Variants in IMMP2L observed in about 807,000 individuals in gnomAD.
IMMP2L encodes the protein inner mitochondrial membrane peptidase subunit 2, also known as mitochondrial inner membrane protease subunit 2.
In IMMP2L, 18 loss-of-function variants were observed where a neutral mutation model predicts 19.3. The observed-to-expected ratio is 0.93, with a 90% CI of 0.64 to 1.38. IMMP2L has a LOEUF of 1.38. IMMP2L is among the 40% of genes most tolerant of loss of function. IMMP2L has a pLI of 0.00. For synonymous variants in IMMP2L, 76 were observed against 73.0 expected, an observed-to-expected ratio of 1.04 and a Z score of -0.21; for missense variants, 233 against 218.2, an observed-to-expected ratio of 1.07 and a Z score of -0.43.
chr7:110,966,598 T>G (rs982496508), intron 3 of IMMP2L, among the ~76,000 whole-genome samples: 2 of 152,140 alleles, frequency 1.3e-5, no homozygotes, highest in Admixed American at 6.6e-5. Flanking sequence ...AAATAGAGTA[T>G]GCAAAGGGAG....
At chr7:110,906,030 A>C (rs1257088547) in intron 4 of IMMP2L, among the ~76,000 whole-genome samples, 1 of 152,214 alleles carries the variant, frequency 6.6e-6, no homozygotes, top group East Asian at 1.9e-4. Flanking sequence ...TGAAAAAGAT[A>C]TTTGTGACCA....
rs538673679 is a variant in IMMP2L at position 111,277,884 on chromosome 7, C to G, written c.239+209354G>C. On this transcript the variant is annotated intron_variant, in intron 3 of 5. Coordinates refer to ENST00000405709, the MANE Select transcript of IMMP2L (RefSeq NM_032549.4). ...TAAAGAAAATGTAGTATATGTAACA[C>G]TACATTATGCTATTCAGCCATAAAA... is the stretch of plus-strand genomic sequence containing the variant. Among the ~76,000 whole-genome samples the G allele has an allele frequency of 1.3e-4, 20 of 152,230 alleles. No homozygotes were observed. In the South Asian group the frequency reaches 1.7e-3, roughly 13 times the overall value.
chr7:110,919,787 G>C (rs1192704943), intron 4 of IMMP2L, among the ~76,000 whole-genome samples: 1 of 152,148 alleles, frequency 6.6e-6, no homozygotes, highest in Non-Finnish European at 1.5e-5. Context: ...TGGATTGAAG[G>C]ATGCAAAATA....
At chr7:111,498,804 C>T (rs1256331626) in intron 2 of IMMP2L, among the ~76,000 whole-genome samples, 1 of 152,076 alleles carries the variant, frequency 6.6e-6, no homozygotes, top group East Asian at 1.9e-4. Context: ...AAGAACCAGT[C>T]AGCATCCTAA....
At chr7:111,384,100 T>C (rs1044534753) in intron 3 of IMMP2L, among the ~76,000 whole-genome samples, 1 of 151,984 alleles carries the variant, frequency 6.6e-6, no homozygotes, top group East Asian at 1.9e-4. Context: ...GCCATAACTA[T>C]ACCAGTGCAC....
intron 3 of IMMP2L, among the ~76,000 whole-genome samples, chr7:111,134,752 C>CA (rs1301918633): frequency 1.3e-5 from 2 of 151,760 alleles, no homozygotes; most frequent in Non-Finnish European, 2.9e-5. Context: ...AAATTCTAAA[C>CA]AAAAAATAAA....
intron 3 of IMMP2L, among the ~76,000 whole-genome samples, chr7:111,481,669 C>G (rs1175466585): frequency 6.6e-6 from 1 of 151,836 alleles, no homozygotes; most frequent in Admixed American, 6.6e-5. Flanking sequence ...CTCCGACACT[C>G]TTACCAACAC....
At chr7:111,536,318 GT>G (rs1382044342) in intron 1 of IMMP2L, among the ~76,000 whole-genome samples, 1 of 151,834 alleles carries the variant, frequency 6.6e-6, no homozygotes, top group Non-Finnish European at 1.5e-5. Context: ...GTTTTTTGGG[GT>G]TTTTTTGAAA....
chr7:110,964,371 A>G (rs1819306040), intron 3 of IMMP2L, among the ~76,000 whole-genome samples: 1 of 152,056 alleles, frequency 6.6e-6, no homozygotes, highest in Admixed American at 6.6e-5. Flanking sequence ...ATCCCATAAA[A>G]ACAATGAAGA....
At chr7:110,691,613 GAAA>G (rs1166858585) in intron 5 of IMMP2L, among the ~76,000 whole-genome samples, 1 of 151,342 alleles carries the variant, frequency 6.6e-6, no homozygotes, top group African/African-American at 2.4e-5. Flanking sequence ...AAATTAGCAA[GAAA>G]AAAATAAAAA....
In IMMP2L at chr7:111,381,855, C is replaced by T. The variant is rs958579359; in HGVS notation, c.239+105383G>A. ...ATACTATAATGAGCTAAATGGAAGT[C>T]GGAAATGCTTACCAACTCTCTGGTT... On this transcript the variant is annotated intron_variant, in intron 3 of 5. Transcript: ENST00000405709. Among the ~76,000 whole-genome samples, 6 of 152,016 alleles carry T rather than the reference C, an allele frequency of 3.9e-5. No homozygotes were observed. In the South Asian group the frequency reaches 1.2e-3, roughly 32 times the overall value.
At chr7:111,194,843 C>T (rs1048743717) in intron 3 of IMMP2L, among the ~76,000 whole-genome samples, 1 of 152,198 alleles carries the variant, frequency 6.6e-6, no homozygotes, top group Middle Eastern at 3.4e-3. Context: ...TAGCTCTACC[C>T]AGTATCAACT....
intron 5 of IMMP2L, among the ~76,000 whole-genome samples, chr7:110,807,293 G>T (rs1243650520): frequency 8.6e-5 from 13 of 151,938 alleles, no homozygotes; most frequent in Non-Finnish European, 1.9e-4. Context: ...AATACAGTAT[G>T]TTCATTCTTA....
intron 3 of IMMP2L, among the ~76,000 whole-genome samples, chr7:111,461,741 A>G (rs1272881651): frequency 6.6e-6 from 1 of 152,152 alleles, no homozygotes; most frequent in Non-Finnish European, 1.5e-5. Flanking sequence ...GTTGGATAAC[A>G]GTACAATGAT....
intron 3 of IMMP2L, among the ~76,000 whole-genome samples, chr7:111,100,733 A>T (rs545367209): frequency 6.6e-6 from 1 of 151,426 alleles, no homozygotes; most frequent in Non-Finnish European, 1.5e-5. Flanking sequence ...TAGAAGTGTA[A>T]TGTATGTAAA....
At chr7:110,785,287 T>A (rs888515396) in intron 5 of IMMP2L, among the ~76,000 whole-genome samples, 4 of 152,022 alleles carry the variant, frequency 2.6e-5, no homozygotes, top group African/African-American at 9.7e-5. Flanking sequence ...CTGCTTATTA[T>A]CACTTTTAAG....
intron 3 of IMMP2L, among the ~76,000 whole-genome samples, chr7:111,386,153 T>C (rs76605211): frequency 0.045 from 6,769 of 151,792 alleles, 248 homozygotes; most frequent in South Asian, 0.082. Flanking sequence ...AGTGGGATAA[T>C]AGGCATAAAC....
chr7:110,689,422 TCTGTAC>T (rs146815003), intron 5 of IMMP2L, among the ~76,000 whole-genome samples: 463 of 152,306 alleles, frequency 3.0e-3, no homozygotes, highest in East Asian at 8.5e-3. Flanking sequence ...TCTTTATCTC[TCTGTAC>T]CTATTCCCAG....
chr7:110,672,592 A>G (rs1417517039), intron 5 of IMMP2L, among the ~76,000 whole-genome samples: 1 of 152,198 alleles, frequency 6.6e-6, no homozygotes, highest in African/African-American at 2.4e-5. Flanking sequence ...CTGTAAAATC[A>G]TAAGCAAGTT....
Sources: gnomAD v4.1 joint callset for allele counts (sites outside exome capture counted in the v4.1 genomes callset) on GRCh38, gnomAD v4.1.1 for gene constraint, MANE v1.5 for transcripts, NCBI Gene and HGNC (gene_info 2026-07-23, HGNC 2026-07-21) for gene names.